The following TMEM171 variants were observed in gnomAD, a reference collection of about 807,000 sequenced individuals.
TMEM171 encodes the protein proline-rich protein PRP2.
In TMEM171, 16 loss-of-function variants were observed where a neutral mutation model predicts 19.1. That is an observed-to-expected ratio of 0.84 (90% confidence interval 0.57 to 1.27). TMEM171 has a LOEUF of 1.27. Among genes scored for constraint, TMEM171 ranks in the 50% most tolerant of loss-of-function variants. The pLI is 0.00. For synonymous variants in TMEM171, 153 were observed against 163.4 expected (o/e 0.94, Z 0.48); for missense variants, 429 against 412.7 (o/e 1.04, Z -0.34).
At chr5:73,124,664 A>G (rs1043578073) in intron 2 of TMEM171, among the ~76,000 whole-genome samples, 62 of 152,236 alleles carry the variant, frequency 4.1e-4, no homozygotes, top group African/African-American at 1.4e-3. Context: ...TGCAGGGCTG[A>G]GGCAAAGCTT....
In TMEM171 at chr5:73,124,001, C is replaced by T. The variant is rs764669606; in HGVS notation, c.628C>T (p.Gln210Ter). The T allele has an allele frequency of 6.4e-7, 1 of 1,557,650 alleles. No homozygotes were observed. The highest frequency in any genetic ancestry group is 8.7e-7 in the Non-Finnish European group (1 of 1,153,908). ...EGQIQIMEPV[Q>*]VTVGDSVIIF... ...ACAGATCCAGATTATGGAGCCTGTC[C>T]AGGTCACTGTAGGTGGGTTGCTGTT... The change falls in exon 2 of 4, where the codon CAG becomes TAG. Residue 210 changes from glutamine to a stop codon, truncating the protein, a stop_gained. Transcript: ENST00000454765. LOFTEE classifies it high-confidence loss of function.
chr5:73,120,914 C>T (rs1017841688), intron 1 of TMEM171, among the ~76,000 whole-genome samples: 3 of 152,194 alleles, frequency 2.0e-5, no homozygotes, highest in Non-Finnish European at 4.4e-5. Flanking sequence ...TCGTTTCGTT[C>T]CCCAAACGCA....
chr5:73,127,793 T>A (rs915054144), intron 2 of TMEM171, among the ~76,000 whole-genome samples: 2 of 150,644 alleles, frequency 1.3e-5, no homozygotes, highest in African/African-American at 4.9e-5. Flanking sequence ...CAGGCTGGAG[T>A]GCAGTGGTAC....
At position 73,123,661 on chromosome 5, in the gene TMEM171, C is replaced by A. The variant is rs376673995; in HGVS notation, c.288C>A (p.Asp96Glu). The A allele has an allele frequency of 2.9e-4, 470 of 1,614,222 alleles. 7 individuals carry two copies. The South Asian group carries it at 4.6e-3, about 16-fold the overall frequency. The change falls in exon 2 of 4, where the codon GAC becomes GAA. Residue 96 changes from aspartate to glutamate, a missense_variant. Asp to Glu is a conservative substitution (Grantham distance 45, BLOSUM62 2). Transcript: ENST00000454765. ...GGCTGCAGAGAGGTCAGCAGATGGA[C>A]CCCGACCGAGCCTTCATCTGTGGAG... ...RAGLQRGQQM[D>E]PDRAFICGES...
chr5:73,127,759 A>G (rs1744215747), intron 2 of TMEM171, among the ~76,000 whole-genome samples: 2 of 107,208 alleles, frequency 1.9e-5, no homozygotes, highest in South Asian at 3.0e-4. Flanking sequence ...TTTTTTTTTT[A>G]AGACAGGGTC....
chr5:73,125,254 A>G (rs1744129518), intron 2 of TMEM171, among the ~76,000 whole-genome samples: 1 of 152,236 alleles, frequency 6.6e-6, no homozygotes, highest in Non-Finnish European at 1.5e-5. Flanking sequence ...TAACACTTAT[A>G]TAGGGTCTAT....
intron 2 of TMEM171, among the ~76,000 whole-genome samples, chr5:73,125,859 C>T (rs1258424955): frequency 6.6e-6 from 1 of 152,190 alleles, no homozygotes; most frequent in Non-Finnish European, 1.5e-5. Flanking sequence ...ATCTTGCATC[C>T]TAATTCCTCT....
rs777128842 is a variant in TMEM171, at chr5:73,131,517, G to C, written c.783-21G>C. 3.2e-6 allele frequency: 5 copies of C among 1,556,818 alleles called. No individual in the cohort carries two copies. In the East Asian group the frequency reaches 1.2e-4, roughly 36 times the overall value. ...ACTGTTTTCATCCCCTCCCCTTCAT[G>C]TTCTCTCTCCTTCTCTTTAGCAGGA... is the stretch of plus-strand genomic sequence containing the variant. On this transcript the variant is annotated intron_variant, in intron 3 of 3. Coordinates refer to ENST00000454765, the MANE Select transcript of TMEM171 (RefSeq NM_173490.8).
intron 1 of TMEM171, among the ~76,000 whole-genome samples, chr5:73,122,986 G>C (rs1744044891): frequency 6.6e-6 from 1 of 152,164 alleles, no homozygotes; most frequent in Non-Finnish European, 1.5e-5. Context: ...TTTCCCCAGG[G>C]AAATGAGTTT....
At position 73,125,971 on chromosome 5, in the gene TMEM171, A is replaced by G. The variant is rs531514097; in HGVS notation, c.640+1958A>G. ...GCTATCCTGGATACACAGCAGGTAT[A>G]TGAGACAGCTCTCCTTGGAGGGGTG... On this transcript the variant is annotated intron_variant, in intron 2 of 3. Transcript: ENST00000454765. Among the ~76,000 whole-genome samples the G allele has an allele frequency of 3.0e-3, 457 of 152,314 alleles. 2 individuals carry two copies. The highest frequency in any genetic ancestry group is 0.01 in the African/African-American group (430 of 41,566).
chr5:73,120,760 C>T, intron 1 of TMEM171, 64 bp downstream of exon 1: 4 of 983,930 alleles, frequency 4.1e-6, no homozygotes, highest in Non-Finnish European at 4.8e-6. Context: ...GCTGTGCGGC[C>T]AGGCTGGGCG....
At chr5:73,124,371 C>T (rs1744107125) in intron 2 of TMEM171, among the ~76,000 whole-genome samples, 1 of 152,166 alleles carries the variant, frequency 6.6e-6, no homozygotes, top group African/African-American at 2.4e-5. Context: ...ACTAAGTGAC[C>T]CTGTTACCCC....
chr5:73,123,245 A>T, intron 1 of TMEM171, 61 bp from the exon 2 acceptor site: 1 of 1,448,144 alleles, frequency 6.9e-7, no homozygotes, highest in South Asian at 1.4e-5. Context: ...ATCAGCAAAA[A>T]ACCAGGGTGG....
At chr5:73,130,788 C>G (rs1744333409) in intron 3 of TMEM171, among the ~76,000 whole-genome samples, 1 of 152,054 alleles carries the variant, frequency 6.6e-6, no homozygotes, top group South Asian at 2.1e-4. Flanking sequence ...AGGGCTGGAC[C>G]TCTGTAGAAT....
At chr5:73,127,044 A>G (rs1312332756) in intron 2 of TMEM171, among the ~76,000 whole-genome samples, 1 of 152,170 alleles carries the variant, frequency 6.6e-6, no homozygotes, top group East Asian at 1.9e-4. Flanking sequence ...CTTTGGGTTC[A>G]ACCTTCATCT....
intron 3 of TMEM171, among the ~76,000 whole-genome samples, chr5:73,129,693 A>G (rs958536024): frequency 3.9e-5 from 6 of 152,232 alleles, no homozygotes; most frequent in African/African-American, 7.2e-5. Context: ...GGACTGGGCC[A>G]GGAGGCCCCT....
chr5:73,130,791 T>C (rs561467715), intron 3 of TMEM171, among the ~76,000 whole-genome samples: 16 of 152,292 alleles, frequency 1.1e-4, no homozygotes, highest in African/African-American at 3.6e-4. Flanking sequence ...GCTGGACCTC[T>C]GTAGAATTCT....
At position 73,123,427 on chromosome 5, in the gene TMEM171, C is replaced by A. The variant is rs139554786; in HGVS notation, c.54C>A (p.Val18=). 1.3e-5 allele frequency: 21 copies of A among 1,614,068 alleles called. No homozygotes were observed. In the African/African-American group the frequency reaches 2.8e-4, roughly 22 times the overall value. Residue 18 remains valine, a synonymous_variant, in exon 2 of 4, where the codon GTC becomes GTA. Coordinates refer to ENST00000454765, the MANE Select transcript of TMEM171 (RefSeq NM_173490.8). ...EPDGDQQDRH[V]SKLIFCFFVF... ...ATGGGGACCAGCAGGACAGACACGT[C>A]AGCAAACTCATCTTCTGCTTCTTTG...
chr5:73,129,427 G>C (rs191233976), intron 3 of TMEM171, among the ~76,000 whole-genome samples: 1 of 152,310 alleles, frequency 6.6e-6, no homozygotes, highest in East Asian at 1.9e-4. Context: ...TTTCCCATCT[G>C]CCGAAAGGTG....
Sources: gnomAD v4.1 joint callset for allele counts (sites outside exome capture counted in the v4.1 genomes callset) on GRCh38, gnomAD v4.1.1 for gene constraint, MANE v1.5 for transcripts, NCBI Gene and HGNC (gene_info 2026-07-23, HGNC 2026-07-21) for gene names.